Variants in EIF4ENIF1 observed in about 807,000 individuals in gnomAD.
EIF4ENIF1 encodes eukaryotic translation initiation factor 4E transporter.
EIF4ENIF1 carries 23 observed loss-of-function variants against 110.5 expected under a neutral mutation model. That is an observed-to-expected ratio of 0.21 (90% CI 0.15 to 0.29). The LOEUF (loss-of-function observed/expected upper bound fraction) is 0.29, where lower values mean the gene tolerates loss of function less well. Ranked by LOEUF, EIF4ENIF1 falls within the 10% of genes least tolerant of loss-of-function variation. The probability of loss-of-function intolerance (pLI) is 1.00; values close to 1 mark genes in which losing one functional copy is unlikely to be tolerated. For synonymous variants in EIF4ENIF1, 440 were observed against 437.0 expected, an observed-to-expected ratio of 1.01 and a Z score of -0.09; for missense variants, 1,031 against 1,221.1, an observed-to-expected ratio of 0.84 and a Z score of 2.32.
chr22:31,441,550 G>GAAAAAAAA (rs771597260), intron 17 of EIF4ENIF1, among the ~76,000 whole-genome samples: 8 of 65,250 alleles, frequency 1.2e-4, no homozygotes, highest in Admixed American at 3.9e-4. Context: ...CTACAAAAAG[G>GAAAAAAAA]AAAAAAAAAA....
chr22:31,446,403 G>A (rs2050478970), intron 14 of EIF4ENIF1, among the ~76,000 whole-genome samples: 1 of 151,990 alleles, frequency 6.6e-6, no homozygotes, highest in Admixed American at 6.6e-5. Context: ...GACCAGTCTG[G>A]AGCTCTCTGT....
chr22:31,449,900 T>A (rs967152122), intron 11 of EIF4ENIF1, among the ~76,000 whole-genome samples: 1 of 151,928 alleles, frequency 6.6e-6, no homozygotes, highest in African/African-American at 2.4e-5. Flanking sequence ...CAGGCCAATT[T>A]TTGTATTTTT....
Position 31,439,515 on chromosome 22 carries a change from A to C in EIF4ENIF1, c.*365T>G, listed in dbSNP as rs2050227649. The C allele has an allele frequency of 1.0e-5, 2 of 200,246 alleles. No individual in the cohort carries two copies. 12.4% of individuals were successfully genotyped at this position (200,246 alleles called of 1,614,324 possible). A position where few individuals can be genotyped will look rare whatever the true frequency, so the allele number is the denominator to read the frequency against. ...GTATAGTTCAAAAAAGCTATCCTAT[A>C]TGTATATACAAAAGTTGTTTATACA... On this transcript the variant is annotated 3_prime_UTR_variant, in exon 19 of 19. Coordinates refer to ENST00000330125, the MANE Select transcript of EIF4ENIF1 (RefSeq NM_019843.4).
intron 14 of EIF4ENIF1, among the ~76,000 whole-genome samples, chr22:31,445,667 T>C (rs1487725265): frequency 5.9e-5 from 9 of 152,072 alleles, no homozygotes; most frequent in Admixed American, 5.9e-4. Flanking sequence ...TCTGGCCTCA[T>C]GGAGGTTACA....
chr22:31,482,384 T>TA (rs756703573), intron 2 of EIF4ENIF1, among the ~76,000 whole-genome samples: 22 of 152,258 alleles, frequency 1.4e-4, no homozygotes, highest in Non-Finnish European at 2.9e-4. Context: ...GTATCCTTTA[T>TA]AAGATTAGTC....
chr22:31,445,165 T>A (rs2050422987), intron 14 of EIF4ENIF1, among the ~76,000 whole-genome samples: 1 of 152,204 alleles, frequency 6.6e-6, no homozygotes, highest in African/African-American at 2.4e-5. Flanking sequence ...TACTGCAGAC[T>A]ACACCAGTGA....
At chr22:31,452,950 C>A (rs1205477832) in intron 10 of EIF4ENIF1, among the ~76,000 whole-genome samples, 1 of 152,098 alleles carries the variant, frequency 6.6e-6, no homozygotes, top group Non-Finnish European at 1.5e-5. Context: ...CAGTTGCTTT[C>A]TTTTGGTATA....
In EIF4ENIF1 at chr22:31,449,546, G is replaced by A. The variant is rs759372007; in HGVS notation, c.1585-15C>T. ...CCCAGAAGTTCCTAAAGGCAGAAAAGCCAAATCCCTGTGAACTTAGTTATT... is the reference window on the plus strand; with the variant it reads ...CCCAGAAGTTCCTAAAGGCAGAAAAACCAAATCCCTGTGAACTTAGTTATT... On this transcript the variant is annotated splice_polypyrimidine_tract_variant and intron_variant, in intron 11 of 18. Coordinates refer to ENST00000330125, the MANE Select transcript of EIF4ENIF1 (RefSeq NM_019843.4). 2 of 1,605,288 alleles carry A rather than the reference G, an allele frequency of 1.2e-6. No homozygotes were observed. Among genetic ancestry groups the A allele is most frequent in the East Asian group, 2.2e-5 (1 of 44,806 alleles).
At chr22:31,475,721 T>TTA in intron 2 of EIF4ENIF1, among the ~76,000 whole-genome samples, 1 of 133,866 alleles carries the variant, frequency 7.5e-6, no homozygotes, top group Non-Finnish European at 1.6e-5. Flanking sequence ...AGACTCCGTT[T>TTA]AAAAAAAAAA....
At chr22:31,437,770 GGT>G (rs1219573303), downstream of EIF4ENIF1, 3 of 152,152 alleles carry the variant, frequency 2.0e-5, no homozygotes, top group Non-Finnish European at 4.4e-5. Flanking sequence ...ACTGGATTCA[GGT>G]GTCTGTGTTC....
intron 2 of EIF4ENIF1, among the ~76,000 whole-genome samples, chr22:31,475,810 C>T (rs570446908): frequency 3.3e-5 from 5 of 151,072 alleles, no homozygotes; most frequent in African/African-American, 9.7e-5. Flanking sequence ...AAGGCTGCAG[C>T]GATCGCACCA....
chr22:31,493,321 G>A (rs930984496), upstream of EIF4ENIF1, among the ~76,000 whole-genome samples: 4 of 152,058 alleles, frequency 2.6e-5, no homozygotes, highest in Non-Finnish European at 4.4e-5. Flanking sequence ...GAGCCACCGC[G>A]CCTGGCCTAT....
intron 2 of EIF4ENIF1, chr22:31,479,433 A>G (rs2051726111): frequency 6.6e-6 from 1 of 151,940 alleles, no homozygotes. Context: ...CGCAGGGGCC[A>G]TGCTAATCTT....
In EIF4ENIF1 at chr22:31,450,287, A is replaced by G; in HGVS notation, c.1584+2T>C. The G allele has an allele frequency of 6.2e-7, 1 of 1,612,928 alleles. No homozygotes were observed. The highest frequency in any genetic ancestry group is 8.5e-7 in the Non-Finnish European group (1 of 1,179,108). ...AGGCCTCAGTATAAGATTGTGAAGT[A>G]CCTGCAGGATGTTCTTAGGGACAGG... is the stretch of plus-strand genomic sequence containing the variant. On this transcript the variant is annotated splice_donor_variant, in intron 11 of 18. Coordinates refer to ENST00000330125, the MANE Select transcript of EIF4ENIF1 (RefSeq NM_019843.4). LOFTEE classifies it high-confidence loss of function.
chr22:31,480,734 A>T (rs979465686), intron 2 of EIF4ENIF1, among the ~76,000 whole-genome samples: 3 of 151,980 alleles, frequency 2.0e-5, no homozygotes, highest in Non-Finnish European at 4.4e-5. Flanking sequence ...CAGCCTGGGC[A>T]ACAGGAACAA....
chr22:31,442,251 A>C, intron 16 of EIF4ENIF1, 133 bp from the exon 17 acceptor site: 1 of 698,424 alleles, frequency 1.4e-6, no homozygotes, highest in Non-Finnish European at 2.4e-6. Context: ...AGAGGACTAC[A>C]CGGTAGGAAC....
chr22:31,462,021 T>C (rs1477168168), intron 6 of EIF4ENIF1, among the ~76,000 whole-genome samples: 5 of 152,224 alleles, frequency 3.3e-5, no homozygotes, highest in Non-Finnish European at 5.9e-5. Context: ...TAGGACATAA[T>C]TGCTCAATAA....
chr22:31,445,163 A>C (rs988853545), intron 14 of EIF4ENIF1, among the ~76,000 whole-genome samples: 1 of 152,130 alleles, frequency 6.6e-6, no homozygotes, highest in African/African-American at 2.4e-5. Flanking sequence ...TTTACTGCAG[A>C]CTACACCAGT....
intron 10 of EIF4ENIF1, 80 bp from the exon 11 acceptor site, chr22:31,450,440 A>T: frequency 8.8e-7 from 1 of 1,131,712 alleles, no homozygotes; most frequent in Non-Finnish European, 1.3e-6. Flanking sequence ...ACAAGAAAGC[A>T]TAAAATACTC....
Sources: gnomAD v4.1 joint callset for allele counts (sites outside exome capture counted in the v4.1 genomes callset) on GRCh38, gnomAD v4.1.1 for gene constraint, MANE v1.5 for transcripts, NCBI Gene and HGNC (gene_info 2026-07-23, HGNC 2026-07-21) for gene names.